The following LASP1 variants were observed in gnomAD, a reference collection of about 807,000 sequenced individuals.
The protein encoded by LASP1 is LIM and SH3 domain protein 1.
A neutral mutation model predicts 38.6 loss-of-function variants in LASP1; 10 were observed. The observed-to-expected ratio is 0.26, with a 90% CI of 0.16 to 0.44. The LOEUF (loss-of-function observed/expected upper bound fraction) is 0.44. Among genes scored for constraint, LASP1 ranks in the 20% least tolerant of loss-of-function variants. The pLI, the probability that LASP1 is intolerant of heterozygous loss-of-function variation, is 1.00. For synonymous variants in LASP1, 132 were observed against 140.8 expected, an observed-to-expected ratio of 0.94 and a Z score of 0.44; for missense variants, 243 against 375.7, an observed-to-expected ratio of 0.65 and a Z score of 2.92.
At position 38,898,382 on chromosome 17, in the gene LASP1, A is replaced by C. The variant is rs758066378; in HGVS notation, c.250-30A>C. On this transcript the variant is annotated intron_variant, in intron 3 of 6. Transcript: ENST00000318008. ...CGAGGCCCTTTCGGCTCCTGGCCTG[A>C]CTCCAATCCCTCTTCCTCCCCTCCT... 3.2e-4 allele frequency: 484 copies of C among 1,506,958 alleles called. 1 individual carries two copies. The highest frequency in any genetic ancestry group is 3.9e-4 in the Non-Finnish European group (437 of 1,112,998). 93.3% of individuals were successfully genotyped at this position (1,506,958 alleles called of 1,614,324 possible).
intron 4 of LASP1, among the ~76,000 whole-genome samples, chr17:38,913,790 T>G (rs192775741): frequency 5.9e-5 from 9 of 152,122 alleles, no homozygotes; most frequent in African/African-American, 1.9e-4. Context: ...TCACCTGAGG[T>G]CAGGAGTTTG....
In LASP1 at chr17:38,915,125, C is replaced by T. The variant is rs1915081802; in HGVS notation, c.591C>T (p.Arg197=). 6.2e-7 allele frequency: 1 copy of T among 1,613,834 alleles called. No individual in the cohort carries two copies. Among genetic ancestry groups the T allele is most frequent in the African/African-American group, 1.3e-5 (1 of 74,902 alleles). ...KEPAAPVSIQ[R]SAPGGGGKRY... Reference sequence around the variant, plus strand: ...CTGCAGCCCCAGTCTCCATACAGCGCAGCGCCCCAGGTGGTGGCGGGGTGA... The same window carrying T: ...CTGCAGCCCCAGTCTCCATACAGCGTAGCGCCCCAGGTGGTGGCGGGGTGA... Residue 197 remains arginine, a synonymous_variant, in exon 6 of 7, where the codon CGC becomes CGT. Coordinates refer to ENST00000318008, the MANE Select transcript of LASP1 (RefSeq NM_006148.4).
At chr17:38,872,083 C>T (rs1913625774) in intron 1 of LASP1, among the ~76,000 whole-genome samples, 1 of 152,166 alleles carries the variant, frequency 6.6e-6, no homozygotes, top group South Asian at 2.1e-4. Context: ...GATTGCCACT[C>T]CAGGAGTTGG....
chr17:38,910,034 CACCGCACCT>C (rs1914890049), intron 4 of LASP1, among the ~76,000 whole-genome samples: 1 of 152,200 alleles, frequency 6.6e-6, no homozygotes, highest in Non-Finnish European at 1.5e-5. Context: ...AGGTGTGAGC[CACCGCACCT>C]GGCCATCTCA....
chr17:38,900,443 G>C lies in LASP1; in HGVS notation c.357+1924G>C, dbSNP rs1171393755. Among the ~76,000 whole-genome samples the C allele has an allele frequency of 2.7e-5, 4 of 150,928 alleles. No individual in the cohort carries two copies. The East Asian group carries it at 7.7e-4, about 29-fold the overall frequency. On this transcript the variant is annotated intron_variant, in intron 4 of 6. Transcript: ENST00000318008. The stretch of plus-strand genomic sequence containing the variant: ...TAATCCCAGCACTTTGAGAGGCTGA[G>C]GTGGGCGGATCATGAGGTCAAGAGA...
intron 5 of LASP1, among the ~76,000 whole-genome samples, chr17:38,914,677 GACACACACACACAC>G (rs10599326): frequency 4.1e-5 from 6 of 146,668 alleles, no homozygotes; most frequent in East Asian, 2.0e-4. Flanking sequence ...GCGAGAGACA[GACACACACACACAC>G]ACACACACAC....
Position 38,919,275 on chromosome 17 carries a change from C to A in LASP1, c.*497C>A. 1 of 241,132 alleles carries A rather than the reference C, an allele frequency of 4.1e-6. No individual in the cohort carries two copies. Among genetic ancestry groups the A allele is most frequent in the Non-Finnish European group, 8.2e-6 (1 of 122,302 alleles). The allele number at this position is 241,132 out of a possible 1,614,324, so 14.9% of individuals were successfully genotyped here. A position where few individuals can be genotyped will look rare whatever the true frequency, so the allele number is the denominator to read the frequency against. On this transcript the variant is annotated 3_prime_UTR_variant, in exon 7 of 7. Transcript: ENST00000318008. Reference sequence around the variant, plus strand: ...TAGGGACCAGTGGGATGGGCTCTACCTCTCTTTCTCAAAGAGGGGGCTCTG... The same window carrying A: ...TAGGGACCAGTGGGATGGGCTCTACATCTCTTTCTCAAAGAGGGGGCTCTG...
intron 1 of LASP1, among the ~76,000 whole-genome samples, chr17:38,874,725 C>T (rs978790145): frequency 2.0e-5 from 3 of 152,122 alleles, no homozygotes; most frequent in Admixed American, 1.3e-4. Flanking sequence ...GGCGACCACC[C>T]TCCTCTGCCC....
chr17:38,903,617 C>G (rs1914702699), intron 4 of LASP1: 1 of 152,238 alleles, frequency 6.6e-6, no homozygotes, highest in Admixed American at 6.5e-5. Context: ...CCTTGAACTC[C>G]TGGGTTTAAG....
At chr17:38,905,795 C>A (rs920172586) in intron 4 of LASP1, among the ~76,000 whole-genome samples, 1 of 152,112 alleles carries the variant, frequency 6.6e-6, no homozygotes, top group South Asian at 2.1e-4. Context: ...GGTGGGCTCA[C>A]GCCTGTATCC....
intron 4 of LASP1, among the ~76,000 whole-genome samples, chr17:38,901,891 G>A (rs1351495907): frequency 6.6e-6 from 1 of 151,968 alleles, no homozygotes; most frequent in Non-Finnish European, 1.5e-5. Context: ...TCAGCCTCGT[G>A]AGTAGCTGGG....
At chr17:38,873,096 G>T (rs971562769) in intron 1 of LASP1, among the ~76,000 whole-genome samples, 4 of 152,038 alleles carry the variant, frequency 2.6e-5, no homozygotes, top group Non-Finnish European at 4.4e-5. Context: ...CAAGAACCTC[G>T]CCACGTCCCT....
chr17:38,883,115 G>C (rs1277013572), intron 2 of LASP1, among the ~76,000 whole-genome samples: 1 of 152,128 alleles, frequency 6.6e-6, no homozygotes, highest in Non-Finnish European at 1.5e-5. Context: ...AGGTGGGGCA[G>C]GGTTGGGTGC....
intron 6 of LASP1, among the ~76,000 whole-genome samples, chr17:38,917,223 C>T (rs969451300): frequency 6.6e-6 from 1 of 152,124 alleles, no homozygotes; most frequent in East Asian, 1.9e-4. Context: ...TGGCTCAGCC[C>T]AAGATAGAGG....
At chr17:38,897,137 G>C in intron 3 of LASP1, 1 of 928,060 alleles carries the variant, frequency 1.1e-6, no homozygotes, top group Non-Finnish European at 1.3e-6. Flanking sequence ...GAACTAATGG[G>C]GAACAGCACA....
chr17:38,920,401 C>T lies in LASP1; in HGVS notation c.*1623C>T, dbSNP rs914093971. Reference sequence around the variant, plus strand: ...CGGGGATGGGGAGGGAAAGACGGTGCTATATCCAGTTCCTGCTCTCTGCTC... The same window carrying T: ...CGGGGATGGGGAGGGAAAGACGGTGTTATATCCAGTTCCTGCTCTCTGCTC... On this transcript the variant is annotated 3_prime_UTR_variant, in exon 7 of 7. Transcript: ENST00000318008. The T allele has an allele frequency of 3.0e-6, 1 of 332,224 alleles. No individual in the cohort carries two copies. Among genetic ancestry groups the T allele is most frequent in the African/African-American group, 2.0e-5 (1 of 49,608 alleles). The allele number at this position is 332,224 out of a possible 1,614,324, so 20.6% of individuals were successfully genotyped here. A position where few individuals can be genotyped will look rare whatever the true frequency, so the allele number is the denominator to read the frequency against.
At chr17:38,896,502 C>T (rs948965327) in intron 3 of LASP1, among the ~76,000 whole-genome samples, 1 of 152,206 alleles carries the variant, frequency 6.6e-6, no homozygotes, top group East Asian at 1.9e-4. Context: ...AGTTCCCGAT[C>T]CTGGGAACCT....
chr17:38,883,838 T>C (rs755069562), intron 2 of LASP1, among the ~76,000 whole-genome samples: 4 of 150,572 alleles, frequency 2.7e-5, no homozygotes, highest in African/African-American at 7.4e-5. Context: ...CTCTTTTTTT[T>C]CCTCTGATTG....
At chr17:38,906,863 T>C (rs914306380) in intron 4 of LASP1, among the ~76,000 whole-genome samples, 1 of 152,142 alleles carries the variant, frequency 6.6e-6, no homozygotes, top group Non-Finnish European at 1.5e-5. Flanking sequence ...TGAACCCACA[T>C]GTACTTGGAC....
Sources: gnomAD v4.1 joint callset for allele counts (sites outside exome capture counted in the v4.1 genomes callset) on GRCh38, gnomAD v4.1.1 for gene constraint, MANE v1.5 for transcripts, NCBI Gene and HGNC (gene_info 2026-07-23, HGNC 2026-07-21) for gene names.